Variants in SLC15A3 observed in about 807,000 individuals in gnomAD.
SLC15A3 encodes the protein osteoclast transporter.
In SLC15A3, 39 loss-of-function variants were observed where a neutral mutation model predicts 49.2. The ratio of observed to expected loss-of-function variants is 0.79; its 90% CI spans 0.61 to 1.04. The LOEUF is 1.04. Ranked by LOEUF, SLC15A3 falls within the 50% of genes least tolerant of loss-of-function variation. The pLI is 0.00. For synonymous variants in SLC15A3, 339 were observed against 367.0 expected, an observed-to-expected ratio of 0.92 and a Z score of 0.87; for missense variants, 758 against 794.8, an observed-to-expected ratio of 0.95 and a Z score of 0.56.
chr11:60,944,145 C>T (rs1392258285), intron 2 of SLC15A3, among the ~76,000 whole-genome samples: 1 of 152,176 alleles, frequency 6.6e-6, no homozygotes, highest in Non-Finnish European at 1.5e-5. Context: ...GGCAACAGAG[C>T]CAGACTCCCT....
At chr11:60,944,701 C>A (rs144303958) in intron 2 of SLC15A3, among the ~76,000 whole-genome samples, 70 of 152,246 alleles carry the variant, frequency 4.6e-4, no homozygotes, top group African/African-American at 1.4e-3. Flanking sequence ...AATTCCCCCC[C>A]CTTGCTGTCT....
intron 6 of SLC15A3, among the ~76,000 whole-genome samples, chr11:60,938,690 C>T (rs531197775): frequency 2.6e-5 from 4 of 152,296 alleles, no homozygotes; most frequent in Admixed American, 1.3e-4. Context: ...CTATCCCCCA[C>T]GCTTCCCAAA....
intron 2 of SLC15A3, 63 bp downstream of exon 2, chr11:60,946,469 C>A (rs927169066): frequency 4.2e-5 from 63 of 1,499,154 alleles, no homozygotes; most frequent in Middle Eastern, 2.5e-4. Flanking sequence ...ACCATGCCTC[C>A]CCGGGAGCGA....
At position 60,946,802 on chromosome 11, in the gene SLC15A3, T is replaced by A. The variant is rs768719882; in HGVS notation, c.578A>T (p.Asp193Val). 3.1e-6 allele frequency: 5 copies of A among 1,610,382 alleles called. No homozygotes were observed. The highest frequency in any genetic ancestry group is 2.7e-5 in the African/African-American group (2 of 74,680). Residue 193 changes from aspartate (D) to valine (V), a missense_variant, in exon 2 of 8, where the codon GAC becomes GTC. Physicochemically the swap from Asp to Val is radical, Grantham distance 152. Transcript: ENST00000227880. Reference protein sequence around the residue: ...GADQVMDLGRDATRRFFNWFY... With the variant: ...GADQVMDLGRVATRRFFNWFY... ...CCAGTTGAAGAAGCGGCGGGTGGCGTCGCGGCCGAGATCCATCACCTGCCA... is the reference window on the plus strand; with the variant it reads ...CCAGTTGAAGAAGCGGCGGGTGGCGACGCGGCCGAGATCCATCACCTGCCA...
At chr11:60,947,448 G>A (rs1856820846) in intron 1 of SLC15A3, among the ~76,000 whole-genome samples, 1 of 152,080 alleles carries the variant, frequency 6.6e-6, no homozygotes. Context: ...CAAAGTTCTG[G>A]GATTACAGGC....
In SLC15A3 at chr11:60,943,592, C is replaced by T. The variant is rs79023598; in HGVS notation, c.996+97G>A. 2,521 of 1,283,728 alleles carry T rather than the reference C, an allele frequency of 2.0e-3. 50 individuals carry two copies. In the African/African-American group the frequency reaches 0.036, roughly 18 times the overall value. 79.5% of individuals were successfully genotyped at this position (1,283,728 alleles called of 1,614,324 possible). On this transcript the variant is annotated intron_variant, in intron 3 of 7. Transcript: ENST00000227880. ...CTCACTTTATTCCCAGACTTTCCCCCTTTCCACATGCCCTGGGCCTCTGTG... is the reference window on the plus strand; with the variant it reads ...CTCACTTTATTCCCAGACTTTCCCCTTTTCCACATGCCCTGGGCCTCTGTG...
Position 60,951,338 on chromosome 11 carries a change from C to T in SLC15A3, c.214G>A (p.Ala72Thr). Residue 72 changes from alanine to threonine, a missense_variant, in exon 1 of 8, where the codon GCG becomes ACG. Coordinates refer to ENST00000227880, the MANE Select transcript of SLC15A3 (RefSeq NM_016582.3). Reference sequence around the variant, plus strand: ...AGGAATACCAGCGCGGCGCGCGTCGCCTGCTCGCCGGTCCAGTTGAAGTTG... The same window carrying T: ...AGGAATACCAGCGCGGCGCGCGTCGTCTGCTCGCCGGTCCAGTTGAAGTTG... The part of the protein sequence containing the change: ...STNFNWTGEQ[A>T]TRAALVFLGA... 2 of 1,542,104 alleles carry T rather than the reference C, an allele frequency of 1.3e-6. No individual in the cohort carries two copies. Among genetic ancestry groups the T allele is most frequent in the South Asian group, 1.2e-5 (1 of 82,966 alleles).
At position 60,937,208 on chromosome 11, in the gene SLC15A3, A is replaced by G; in HGVS notation, c.*11T>C. 6.2e-7 allele frequency: 1 copy of G among 1,611,458 alleles called. No individual in the cohort carries two copies. Among genetic ancestry groups the G allele is most frequent in the Non-Finnish European group, 8.5e-7 (1 of 1,178,050 alleles). On this transcript the variant is annotated 3_prime_UTR_variant, in exon 8 of 8. Coordinates refer to ENST00000227880, the MANE Select transcript of SLC15A3 (RefSeq NM_016582.3). The stretch of plus-strand genomic sequence containing the variant: ...GGTAGAGTGAAGCAAGGGGGCTGGA[A>G]TAGGGCCTGTTCAGCCCCTGTCCCT...
intron 1 of SLC15A3, among the ~76,000 whole-genome samples, chr11:60,947,546 G>C (rs564224968): frequency 6.6e-6 from 1 of 152,132 alleles, no homozygotes; most frequent in Non-Finnish European, 1.5e-5. Context: ...TATTAAAAAT[G>C]TTGTATGCAT....
chr11:60,947,103 T>C (rs1856815596), intron 1 of SLC15A3, among the ~76,000 whole-genome samples: 1 of 131,318 alleles, frequency 7.6e-6, no homozygotes, highest in Non-Finnish European at 1.6e-5. Flanking sequence ...GAGGAACACA[T>C]ACAACAGATG....
At chr11:60,949,849 A>G (rs1218800893) in intron 1 of SLC15A3, among the ~76,000 whole-genome samples, 1 of 152,144 alleles carries the variant, frequency 6.6e-6, no homozygotes, top group African/African-American at 2.4e-5. Flanking sequence ...TTTCGTTGAC[A>G]CCTCGTCTTT....
At chr11:60,937,481 G>T in intron 7 of SLC15A3, 108 bp from the exon 8 acceptor site, 1 of 1,438,236 alleles carries the variant, frequency 7.0e-7, no homozygotes, top group Non-Finnish European at 9.7e-7. Context: ...CATGTGGGCA[G>T]TGGTGGGATC....
Position 60,937,901 on chromosome 11 carries a change from G to A in SLC15A3, c.1560C>T (p.Pro520=), listed in dbSNP as rs756444074. Residue 520 remains proline, a synonymous_variant, in exon 7 of 8, where the codon CCC becomes CCT. Transcript: ENST00000227880. ...GSSLVALLSL[P]GGWLHCPKDF... is the part of the protein sequence containing the mutation. ...CCTTGGGGCAGTGCAGCCAGCCCCC[G>A]GGCAAGGACAGCAGTGCCACTAGGC... 1.5e-5 allele frequency: 24 copies of A among 1,614,014 alleles called. No homozygotes were observed. In the East Asian group the frequency reaches 2.0e-4, roughly 13 times the overall value.
chr11:60,942,187 A>C, intron 3 of SLC15A3, 42 bp from the exon 4 acceptor site: 1 of 1,561,716 alleles, frequency 6.4e-7, no homozygotes, highest in Non-Finnish European at 8.8e-7. Context: ...AGAAACGGCC[A>C]TGCCCCCTCC....
At chr11:60,949,564 G>GACAGAAAGA (rs1856876112) in intron 1 of SLC15A3, among the ~76,000 whole-genome samples, 1 of 117,912 alleles carries the variant, frequency 8.5e-6, no homozygotes, top group African/African-American at 3.0e-5. Flanking sequence ...AAGAAAGAAA[G>GACAGAAAGA]AAAGAAAAGA....
chr11:60,937,420 T>C (rs1856634776), intron 7 of SLC15A3, 47 bp from the exon 8 acceptor site: 1 of 1,609,730 alleles, frequency 6.2e-7, no homozygotes, highest in African/African-American at 1.3e-5. Context: ...GGATCCTCTG[T>C]CTTGCGCCCT....
chr11:60,949,503 GGAAA>G (rs1205207226), intron 1 of SLC15A3, among the ~76,000 whole-genome samples: 5,736 of 64,664 alleles, frequency 0.089, 341 homozygotes, highest in African/African-American at 0.12. Flanking sequence ...AAAGAAAGAA[GGAAA>G]GAAAGAAAGA....
intron 6 of SLC15A3, among the ~76,000 whole-genome samples, chr11:60,938,913 C>T (rs1218830303): frequency 6.6e-6 from 1 of 152,204 alleles, no homozygotes; most frequent in East Asian, 1.9e-4. Flanking sequence ...CAGCCTAGCC[C>T]TGGGCCCGCA....
At position 60,946,989 on chromosome 11, in the gene SLC15A3, T is replaced by C. The variant is rs1319099343; in HGVS notation, c.559-168A>G. ...AGATGCTCAGTAAATATTTGCTGAGTGAATGAATGAATCCTTCTCTTGGGA... is the reference window on the plus strand; with the variant it reads ...AGATGCTCAGTAAATATTTGCTGAGCGAATGAATGAATCCTTCTCTTGGGA... On this transcript the variant is annotated intron_variant, in intron 1 of 7. Transcript: ENST00000227880. 3.3e-5 allele frequency among the ~76,000 whole-genome samples: 5 copies of C among 152,336 alleles called. No individual in the cohort carries two copies. The East Asian group carries it at 9.6e-4, about 29-fold the overall frequency.
Sources: allele counts gnomAD v4.1 joint callset (sites outside exome capture counted in the v4.1 genomes callset), GRCh38; gene constraint gnomAD v4.1.1; transcripts MANE v1.5; gene names NCBI Gene and HGNC (gene_info 2026-07-23, HGNC 2026-07-21).